The following NTAN1 variants were observed in gnomAD, a reference collection of about 807,000 sequenced individuals.
The protein encoded by NTAN1 is N-terminal asparagine amidase, also known as protein N-terminal asparagine amidohydrolase.
Under a neutral mutation model 41.9 loss-of-function variants are expected in NTAN1, and 32 were observed. That is an observed-to-expected ratio of 0.76 (90% CI 0.58 to 1.03). NTAN1 has a LOEUF of 1.03. NTAN1 is among the 50% of genes least tolerant of loss of function. The pLI is 0.00. For synonymous variants in NTAN1, 140 were observed against 139.5 expected, an observed-to-expected ratio of 1.00 and a Z score of -0.03; for missense variants, 377 against 377.5, an observed-to-expected ratio of 1.00 and a Z score of 0.01.
Position 15,038,694 on chromosome 16 carries a change from A to G in NTAN1, c.640-7T>C. On this transcript the variant is annotated splice_polypyrimidine_tract_variant and splice_region_variant and intron_variant, in intron 8 of 9. Transcript: ENST00000287706. ...CATCATAAATGCTAATCATCTAAAA[A>G]AGAACGTGTCAAGGATAGAATTTCA... The G allele has an allele frequency of 1.4e-6, 2 of 1,469,142 alleles. No individual in the cohort carries two copies. The highest frequency in any genetic ancestry group is 1.9e-6 in the Non-Finnish European group (2 of 1,053,156). 91.0% of individuals were successfully genotyped at this position (1,469,142 alleles called of 1,614,324 possible).
chr16:15,039,608 G>C lies in NTAN1; in HGVS notation c.639+361C>G, dbSNP rs182699068. ...GTGACCCGGTCCAAAAGAATGCATA[G>C]TCCTGAGTGCAGAGGGGAGAAACCT... On this transcript the variant is annotated intron_variant, in intron 8 of 9. Coordinates refer to ENST00000287706, the MANE Select transcript of NTAN1 (RefSeq NM_173474.4). Among the ~76,000 whole-genome samples the C allele has an allele frequency of 2.6e-5, 4 of 152,288 alleles. No individual in the cohort carries two copies. The East Asian group carries it at 7.7e-4, about 29-fold the overall frequency.
chr16:15,044,437 C>G, intron 4 of NTAN1, 30 bp from the exon 5 acceptor site: 1 of 1,449,630 alleles, frequency 6.9e-7, no homozygotes, highest in Non-Finnish European at 9.7e-7. Flanking sequence ...GGTCAGAGGC[C>G]AGAAGAAGAC....
intron 1 of NTAN1, 98 bp from the exon 2 acceptor site, chr16:15,048,197 C>A: frequency 1.3e-6 from 1 of 761,962 alleles, no homozygotes; most frequent in Non-Finnish European, 2.2e-6. Flanking sequence ...GCGTGGGCAG[C>A]ACGCTAGTGT....
At chr16:15,051,351 T>C (rs746335876) in intron 1 of NTAN1, among the ~76,000 whole-genome samples, 1 of 152,228 alleles carries the variant, frequency 6.6e-6, no homozygotes, top group African/African-American at 2.4e-5. Context: ...ACTGCTTTGC[T>C]CTATTTTTTA....
intron 5 of NTAN1, among the ~76,000 whole-genome samples, chr16:15,043,222 G>T (rs914322713): frequency 6.6e-6 from 1 of 151,726 alleles, no homozygotes. Flanking sequence ...TTTTAGTAGA[G>T]ACAGAGTTTC....
At chr16:15,047,623 GTCCCTC>G in intron 3 of NTAN1, 73 bp from the exon 4 acceptor site, 1 of 1,134,938 alleles carries the variant, frequency 8.8e-7, no homozygotes, top group Non-Finnish European at 1.3e-6. Context: ...GACTCCGCCT[GTCCCTC>G]CGGACCGCCT....
chr16:15,038,097 A>G lies in NTAN1; in HGVS notation c.867T>C (p.Asn289=), dbSNP rs1194652431. 3 of 1,612,842 alleles carry G rather than the reference A, an allele frequency of 1.9e-6. No homozygotes were observed. Among genetic ancestry groups the G allele is most frequent in the Admixed American group, 3.3e-5 (2 of 59,962 alleles). ...PSPAHTLFSG[N]KALLYKKNED... ...CATTTTTTTTGTAGAGTAGGGCTTTATTTCCAGAAAACAGTGTGTGAGCTG... is the reference window on the plus strand; with the variant it reads ...CATTTTTTTTGTAGAGTAGGGCTTTGTTTCCAGAAAACAGTGTGTGAGCTG... Residue 289 remains asparagine (N), a synonymous_variant, in exon 10 of 10, where the codon AAT becomes AAC. Coordinates refer to ENST00000287706, the MANE Select transcript of NTAN1 (RefSeq NM_173474.4).
intron 1 of NTAN1, among the ~76,000 whole-genome samples, chr16:15,050,128 C>G (rs1430536539): frequency 6.6e-6 from 1 of 152,138 alleles, no homozygotes; most frequent in Non-Finnish European, 1.5e-5. Context: ...TATGTTAATA[C>G]TAAGTGTCAA....
intron 4 of NTAN1, among the ~76,000 whole-genome samples, chr16:15,046,501 C>T (rs963261776): frequency 9.9e-5 from 15 of 152,100 alleles, no homozygotes; most frequent in Non-Finnish European, 1.9e-4. Flanking sequence ...CAAATGGAGG[C>T]AGCGGCTACT....
intron 1 of NTAN1, 184 bp downstream of exon 1, chr16:15,055,707 C>T: frequency 2.7e-6 from 1 of 377,176 alleles, no homozygotes; most frequent in Non-Finnish European, 4.7e-6. Context: ...CGGGGCAGCC[C>T]GCTGAAGTCT....
At chr16:15,051,419 C>A (rs965264387) in intron 1 of NTAN1, among the ~76,000 whole-genome samples, 1 of 152,232 alleles carries the variant, frequency 6.6e-6, no homozygotes, top group Non-Finnish European at 1.5e-5. Flanking sequence ...GCGGCGAGAT[C>A]GTGGCTCACT....
rs376663643 is a variant in NTAN1, at chr16:15,038,226, G to A, written c.754-16C>T. The A allele has an allele frequency of 1.4e-5, 22 of 1,607,690 alleles. 1 individual carries two copies. In the African/African-American group the frequency reaches 2.7e-4, roughly 20 times the overall value. On this transcript the variant is annotated splice_polypyrimidine_tract_variant and intron_variant, in intron 9 of 9. Transcript: ENST00000287706. Reference sequence around the variant, plus strand: ...TGGAAAGATTCTGAAAACACAAGATGGTGGGCATTAGAGAAGCCAACCTTA... The same window carrying A: ...TGGAAAGATTCTGAAAACACAAGATAGTGGGCATTAGAGAAGCCAACCTTA...
chr16:15,055,620 C>A, intron 1 of NTAN1: 1 of 322,018 alleles, frequency 3.1e-6, no homozygotes, highest in East Asian at 4.6e-5. Flanking sequence ...GTCCCCGAGC[C>A]GCAGTGCTGT....
chr16:15,040,800 G>A (rs2043780761), intron 7 of NTAN1, among the ~76,000 whole-genome samples: 1 of 152,132 alleles, frequency 6.6e-6, no homozygotes, highest in Admixed American at 6.5e-5. Context: ...CCCAGCTCCT[G>A]GGAAGGGTGG....
chr16:15,047,463 G>C lies in NTAN1; in HGVS notation c.338C>G (p.Ser113Cys). The C allele has an allele frequency of 1.9e-6, 3 of 1,611,406 alleles. No homozygotes were observed. Among genetic ancestry groups the C allele is most frequent in the Non-Finnish European group, 1.7e-6 (2 of 1,177,640 alleles). ...PLIMNSIKSF[S>C]DHAQCGRLEV... is the part of the protein sequence containing the mutation. ...TCACCTTCCACATTGAGCGTGGTCA[G>C]AAAAGGATTTTATGGAGTTCATGAT... is the stretch of plus-strand genomic sequence containing the variant. The change falls in exon 4 of 10, where the codon TCT becomes TGT. Residue 113 changes from serine to cysteine, a missense_variant. Coordinates refer to ENST00000287706, the MANE Select transcript of NTAN1 (RefSeq NM_173474.4).
intron 9 of NTAN1, 88 bp downstream of exon 9, chr16:15,038,486 C>CTA: frequency 5.2e-6 from 4 of 770,516 alleles, no homozygotes; most frequent in Non-Finnish European, 8.7e-6. Flanking sequence ...GGGAAAGCAG[C>CTA]TATGACCTGG....
chr16:15,041,084 TG>T lies in NTAN1; in HGVS notation c.524del (p.Pro175GlnfsTer2). ...ACTACTTACCAATGCCATATATTAC[TG>T]GAAAGTGGTTTTCGTTTTCTTCCCG... ...NDREENENHF[P>X]VIYGIAVNIK... On this transcript the variant is annotated frameshift_variant, in exon 7 of 10. Coordinates refer to ENST00000287706, the MANE Select transcript of NTAN1 (RefSeq NM_173474.4). LOFTEE classifies it high-confidence loss of function. 1 of 1,601,232 alleles carries T rather than the reference TG, an allele frequency of 6.2e-7. No homozygotes were observed. The highest frequency in any genetic ancestry group is 8.6e-7 in the Non-Finnish European group (1 of 1,168,118).
In NTAN1 at chr16:15,040,017, C is replaced by T. The variant is rs200577362; in HGVS notation, c.591G>A (p.Arg197=). 120 of 1,612,284 alleles carry T rather than the reference C, an allele frequency of 7.4e-5. No homozygotes were observed. The East Asian group carries it at 2.6e-3, about 35-fold the overall frequency. ...CAGCACGAAGCTGCTCCTCCGGACC[C>T]CGATCTTGAAAGGATGCTCTGTAAA... ...AEIYRASFQD[R]GPEEQLRAAR... is the part of the protein sequence containing the mutation. The change falls in exon 8 of 10, where the codon CGG becomes CGA. Residue 197 remains arginine (R), a synonymous_variant. Transcript: ENST00000287706.
At chr16:15,055,639 G>A (rs2044479322) in intron 1 of NTAN1, 4 of 341,106 alleles carry the variant, frequency 1.2e-5, no homozygotes, top group Non-Finnish European at 2.1e-5. Context: ...GTGCGACCTT[G>A]GGCAAGTCAC....
Sources: gnomAD v4.1 joint callset for allele counts (sites outside exome capture counted in the v4.1 genomes callset) on GRCh38, gnomAD v4.1.1 for gene constraint, MANE v1.5 for transcripts, NCBI Gene and HGNC (gene_info 2026-07-23, HGNC 2026-07-21) for gene names.